LCORL: variants seen among roughly 807,000 people sequenced by gnomAD.
LCORL encodes ligand-dependent nuclear receptor corepressor-like protein.
A neutral mutation model predicts 141.8 loss-of-function variants in LCORL; 41 were observed. That is an observed-to-expected ratio of 0.29 (90% CI 0.23 to 0.38). LCORL has a LOEUF of 0.38. LCORL is among the 10% of genes least tolerant of loss of function. The pLI is 1.00. For synonymous variants in LCORL, 618 were observed against 694.1 expected (o/e 0.89, Z 1.72); for missense variants, 1,759 against 2,035.0 (o/e 0.86, Z 2.61).
rs549037980 is a variant in LCORL, at chr4:17,940,118, A to G, written c.430+21785T>C. Among the ~76,000 whole-genome samples, 490 of 118,862 alleles carry G rather than the reference A, an allele frequency of 4.1e-3. 2 individuals are homozygous for G. Among genetic ancestry groups the G allele is most frequent in the Non-Finnish European group, 6.0e-3 (382 of 63,708 alleles). The allele number at this position is 118,862 out of a possible 152,430, so 78.0% of individuals were successfully genotyped here. On this transcript the variant is annotated intron_variant, in intron 4 of 7. Transcript: ENST00000635767. ...TATATAGGTAGATATATGTGTGTGT[A>G]TATATATATGTATATGTGTATATAT... is the stretch of plus-strand genomic sequence containing the variant.
chr4:17,854,989 T>G (rs748866093), intron 7 of LCORL, among the ~76,000 whole-genome samples: 1 of 152,212 alleles, frequency 6.6e-6, no homozygotes, highest in South Asian at 2.1e-4. Context: ...GCATAGTGTG[T>G]GCTTAATAAC....
chr4:17,997,731 G>T (rs186190582), intron 1 of LCORL, among the ~76,000 whole-genome samples: 2 of 152,132 alleles, frequency 1.3e-5, no homozygotes, highest in East Asian at 3.9e-4. Flanking sequence ...TAAAGCCTAA[G>T]AAAAACTGGG....
chr4:17,860,526 A>G (rs1306203659), intron 7 of LCORL, among the ~76,000 whole-genome samples: 2 of 152,168 alleles, frequency 1.3e-5, no homozygotes, highest in Non-Finnish European at 2.9e-5. Context: ...GGAATTCAAG[A>G]TAAGATTTGA....
At chr4:17,978,355 A>C (rs1717370633) in intron 1 of LCORL, among the ~76,000 whole-genome samples, 1 of 152,090 alleles carries the variant, frequency 6.6e-6, no homozygotes, top group Non-Finnish European at 1.5e-5. Flanking sequence ...CAAGAACTTG[A>C]GAGGGTGAGG....
chr4:17,933,066 G>A (rs1348882167), intron 4 of LCORL, among the ~76,000 whole-genome samples: 1 of 151,948 alleles, frequency 6.6e-6, no homozygotes, highest in African/African-American at 2.4e-5. Flanking sequence ...TTTTATCTTT[G>A]TGACTTAGTA....
In LCORL at chr4:17,884,360, A is replaced by C; in HGVS notation, c.776+1708T>G. Reference sequence around the variant, plus strand: ...ATTTTTTTCTTTAAACTGAGTGACCATTTTCTGTAGAGTTAGCTGATGGAG... The same window carrying C: ...ATTTTTTTCTTTAAACTGAGTGACCCTTTTCTGTAGAGTTAGCTGATGGAG... On this transcript the variant is annotated intron_variant, in intron 6 of 7. Coordinates refer to ENST00000635767, the Ensembl canonical transcript of LCORL. This position sits in a 1 kb window ranked among gnomAD's most constrained non-coding sequence, Gnocchi z 4.4. 1.3e-6 allele frequency: 2 copies of C among 1,547,218 alleles called. No individual in the cohort carries two copies. Among genetic ancestry groups the C allele is most frequent in the Non-Finnish European group, 1.7e-6 (2 of 1,145,474 alleles).
At chr4:17,941,620 GAAT>G (rs767404357) in intron 4 of LCORL, among the ~76,000 whole-genome samples, 1 of 152,132 alleles carries the variant, frequency 6.6e-6, no homozygotes, top group African/African-American at 2.4e-5. Context: ...CAGAAGAGAT[GAAT>G]AATAATGGCA....
At chr4:18,007,548 G>A (rs559616761) in intron 1 of LCORL, among the ~76,000 whole-genome samples, 1 of 152,166 alleles carries the variant, frequency 6.6e-6, no homozygotes, top group South Asian at 2.1e-4. Context: ...GTTTTCCCCA[G>A]GAGATTGTGC....
chr4:17,969,028 T>C (rs1348669520), intron 2 of LCORL, among the ~76,000 whole-genome samples: 1 of 152,204 alleles, frequency 6.6e-6, no homozygotes, highest in Admixed American at 6.5e-5. Flanking sequence ...TTTGTAAATA[T>C]ACACAGTCAG....
chr4:17,985,969 C>T (rs1399247840), intron 1 of LCORL, among the ~76,000 whole-genome samples: 3 of 151,984 alleles, frequency 2.0e-5, no homozygotes, highest in Non-Finnish European at 4.4e-5. Flanking sequence ...TAACAAATAC[C>T]CTCAGTATTT....
intron 1 of LCORL, among the ~76,000 whole-genome samples, chr4:18,002,662 T>A (rs557077976): frequency 6.6e-6 from 1 of 152,200 alleles, no homozygotes; most frequent in Non-Finnish European, 1.5e-5. Flanking sequence ...ATTTTTATAT[T>A]AAAAATTAAG....
chr4:17,868,944 T>C (rs1162186805), intron 7 of LCORL, among the ~76,000 whole-genome samples: 1 of 152,010 alleles, frequency 6.6e-6, no homozygotes, highest in Non-Finnish European at 1.5e-5. Flanking sequence ...TCCCACATAC[T>C]ACTCTTGATT....
At chr4:17,934,632 T>C (rs1217545747) in intron 4 of LCORL, among the ~76,000 whole-genome samples, 1 of 152,168 alleles carries the variant, frequency 6.6e-6, no homozygotes, top group Non-Finnish European at 1.5e-5. Flanking sequence ...CAAATTTAGC[T>C]GCAAGTTTTA....
intron 1 of LCORL, among the ~76,000 whole-genome samples, chr4:18,017,851 C>A (rs1300385898): frequency 6.6e-6 from 1 of 152,038 alleles, no homozygotes. Context: ...GTTTTAATAA[C>A]CTCACTGTAA....
exon 8 of LCORL, chr4:17,843,418 T>TAA: frequency 6.2e-7 from 1 of 1,611,176 alleles, no homozygotes; most frequent in South Asian, 1.1e-5. Context: ...AATGAAGATC[T>TAA]AAGTTAGGAA....
At chr4:17,849,657 G>C (rs1182936092) in intron 7 of LCORL, among the ~76,000 whole-genome samples, 1 of 152,120 alleles carries the variant, frequency 6.6e-6, no homozygotes, top group Non-Finnish European at 1.5e-5. Flanking sequence ...ACCAGCAATG[G>C]AACAAAGCTG....
At chr4:17,915,565 T>C (rs964175258) in intron 4 of LCORL, among the ~76,000 whole-genome samples, 7 of 152,190 alleles carry the variant, frequency 4.6e-5, no homozygotes, top group African/African-American at 1.7e-4. Context: ...ATAGTATTAA[T>C]GAAAGTCTGA....
rs1254136736 is a variant in LCORL at position 17,884,725 on chromosome 4, A to G, written c.776+1343T>C. The G allele has an allele frequency of 1.3e-6, 2 of 1,491,064 alleles. No homozygotes were observed. Among genetic ancestry groups the G allele is most frequent in the South Asian group, 1.4e-5 (1 of 72,680 alleles). The allele number at this position is 1,491,064 out of a possible 1,614,324, so 92.4% of individuals were successfully genotyped here. Reference sequence around the variant, plus strand: ...CTGCAAACTCAGCACTTCTTTCCACATAGTCCTCTCTGTTTCTGTGTAGTC... The same window carrying G: ...CTGCAAACTCAGCACTTCTTTCCACGTAGTCCTCTCTGTTTCTGTGTAGTC... On this transcript the variant is annotated intron_variant, in intron 6 of 7. Transcript: ENST00000635767. The surrounding 1 kb of genome is among the most constrained non-coding windows in gnomAD (Gnocchi z 4.4).
At chr4:17,882,654 C>T in intron 6 of LCORL, 1 of 984,596 alleles carries the variant, frequency 1.0e-6, no homozygotes, top group Non-Finnish European at 1.2e-6. Flanking sequence ...GTATCGCCCA[C>T]CAAAATGAAA....
Sources: allele counts gnomAD v4.1 joint callset (sites outside exome capture counted in the v4.1 genomes callset), GRCh38; gene constraint gnomAD v4.1.1; non-coding constraint Gnocchi (gnomAD v3.1); transcripts MANE v1.5; gene names NCBI Gene and HGNC (gene_info 2026-07-23, HGNC 2026-07-21).